Variants in SHROOM3 observed in about 807,000 individuals in gnomAD.
SHROOM3 encodes the protein protein Shroom3.
A neutral mutation model predicts 138.6 loss-of-function variants in SHROOM3; 47 were observed. The ratio of observed to expected loss-of-function variants is 0.34; its 90% CI spans 0.27 to 0.43. The LOEUF (loss-of-function observed/expected upper bound fraction) is 0.43. Ranked by LOEUF, SHROOM3 falls within the 20% of genes least tolerant of loss-of-function variation. The probability of loss-of-function intolerance (pLI) is 1.00; values close to 1 mark genes in which losing one functional copy is unlikely to be tolerated. For missense variants in SHROOM3, 2,491 were observed against 2,596.5 expected (o/e 0.96, Z 0.88); for synonymous variants, 1,062 against 1,063.3 (o/e 1.00, Z 0.02).
chr4:76,743,165 C>T (rs1365574150), intron 5 of SHROOM3, among the ~76,000 whole-genome samples: 1 of 152,090 alleles, frequency 6.6e-6, no homozygotes, highest in African/African-American at 2.4e-5. Flanking sequence ...AAAAGATGGG[C>T]ATGATGACAA....
chr4:76,528,235 C>T (rs1020560022), intron 1 of SHROOM3, among the ~76,000 whole-genome samples: 1 of 152,112 alleles, frequency 6.6e-6, no homozygotes, highest in Non-Finnish European at 1.5e-5. Flanking sequence ...CCAATTTCTA[C>T]TTGGTAATAG....
intron 1 of SHROOM3, among the ~76,000 whole-genome samples, chr4:76,499,960 G>C (rs915431735): frequency 3.3e-5 from 5 of 152,176 alleles, no homozygotes; most frequent in African/African-American, 9.7e-5. Context: ...TCACTCTTTT[G>C]CTCGTTGTGC....
At chr4:76,478,389 C>G (rs1041218828) in intron 1 of SHROOM3, among the ~76,000 whole-genome samples, 44 of 152,370 alleles carry the variant, frequency 2.9e-4, no homozygotes, top group African/African-American at 1.0e-3. Context: ...GAGCCCACTG[C>G]AGCTTCACAA....
intron 1 of SHROOM3, among the ~76,000 whole-genome samples, chr4:76,474,944 T>G (rs1731454603): frequency 6.6e-6 from 1 of 151,856 alleles, no homozygotes; most frequent in Admixed American, 6.6e-5. Flanking sequence ...AAAAAATTTT[T>G]TTTTTGAGAA....
At chr4:76,566,567 T>C (rs542215207) in intron 2 of SHROOM3, among the ~76,000 whole-genome samples, 2 of 152,364 alleles carry the variant, frequency 1.3e-5, no homozygotes, top group South Asian at 4.1e-4. Flanking sequence ...AATCAGATCT[T>C]CGAAGGTCCT....
At chr4:76,712,096 G>C (rs1455282980) in intron 3 of SHROOM3, among the ~76,000 whole-genome samples, 1 of 152,190 alleles carries the variant, frequency 6.6e-6, no homozygotes, top group East Asian at 1.9e-4. Context: ...GGTGTCCACA[G>C]GGCCCGATAG....
Position 76,739,170 on chromosome 4 carries a change from A to C in SHROOM3, c.997A>C (p.Arg333=). The change falls in exon 5 of 11, where the codon AGG becomes CGG. Residue 333 remains arginine, a synonymous_variant. Coordinates refer to ENST00000296043, the MANE Select transcript of SHROOM3 (RefSeq NM_020859.4). ...VNSSALLLQG[R]EARASANGQG... is the part of the protein sequence containing the mutation. Reference sequence around the variant, plus strand: ...CTCTTCAGCCCTGCTGCTTCAAGGTAGGGAGGCCCGAGCCTCAGCAAATGG... The same window carrying C: ...CTCTTCAGCCCTGCTGCTTCAAGGTCGGGAGGCCCGAGCCTCAGCAAATGG... 1 of 1,614,136 alleles carries C rather than the reference A, an allele frequency of 6.2e-7. No individual in the cohort carries two copies. Among genetic ancestry groups the C allele is most frequent in the East Asian group, 2.2e-5 (1 of 44,876 alleles).
chr4:76,555,572 G>T lies in SHROOM3; in HGVS notation c.169-37G>T, dbSNP rs1195999378. On this transcript the variant is annotated intron_variant, in intron 1 of 10. Coordinates refer to ENST00000296043, the MANE Select transcript of SHROOM3 (RefSeq NM_020859.4). ...CGGACAGACCCCAGGCCAGGGGAAA[G>T]CTCACTCGTGGCTGTCGCATCTCTC... 3.1e-6 allele frequency: 5 copies of T among 1,611,448 alleles called. No individual in the cohort carries two copies. In the Admixed American group the frequency reaches 8.3e-5, roughly 27 times the overall value.
At chr4:76,574,267 T>G (rs1011948465) in intron 2 of SHROOM3, among the ~76,000 whole-genome samples, 1 of 152,118 alleles carries the variant, frequency 6.6e-6, no homozygotes, top group African/African-American at 2.4e-5. Context: ...GATGGGAAAA[T>G]TTTGGCAATT....
chr4:76,483,894 A>G (rs1731672782), intron 1 of SHROOM3, among the ~76,000 whole-genome samples: 1 of 152,124 alleles, frequency 6.6e-6, no homozygotes, highest in South Asian at 2.1e-4. Context: ...ACACAGTAAC[A>G]GAAAACCAAA....
chr4:76,704,187 A>G (rs553739666), intron 2 of SHROOM3, among the ~76,000 whole-genome samples: 4 of 152,348 alleles, frequency 2.6e-5, no homozygotes, highest in South Asian at 2.1e-4. Context: ...ATGCATTACA[A>G]TTATTTCCTT....
Position 76,436,211 on chromosome 4 carries a change from C to T in SHROOM3, c.159C>T (p.Ile53=). ...GCCTGGAGCACGGAGAACCATTAATCATCTCTAAGGTATGTTTCTTTTTCC... is the reference window on the plus strand; with the variant it reads ...GCCTGGAGCACGGAGAACCATTAATTATCTCTAAGGTATGTTTCTTTTTCC... ...KGGLEHGEPL[I]ISKVEEGGKA... The change falls in exon 1 of 11, where the codon ATC becomes ATT. Residue 53 remains isoleucine (I), a synonymous_variant. Transcript: ENST00000296043. The T allele has an allele frequency of 6.2e-7, 1 of 1,613,956 alleles. No homozygotes were observed. The highest frequency in any genetic ancestry group is 2.2e-5 in the East Asian group (1 of 44,876).
chr4:76,669,557 T>C (rs1718815674), intron 2 of SHROOM3, among the ~76,000 whole-genome samples: 1 of 150,942 alleles, frequency 6.6e-6, no homozygotes, highest in Non-Finnish European at 1.5e-5. Flanking sequence ...GAGGTTGCAG[T>C]GAGCCGAGAT....
intron 2 of SHROOM3, among the ~76,000 whole-genome samples, chr4:76,569,029 C>A (rs1733783676): frequency 6.6e-6 from 1 of 152,214 alleles, no homozygotes; most frequent in Non-Finnish European, 1.5e-5. Context: ...TGTTATCAAT[C>A]ATCTCATTCA....
At chr4:76,495,474 A>G (rs12500824) in intron 1 of SHROOM3, among the ~76,000 whole-genome samples, 87,622 of 152,096 alleles carry the variant, frequency 0.58, 26,154 homozygotes, top group Non-Finnish European at 0.65. Flanking sequence ...GATCTGATGC[A>G]ATCAGGCTGA....
chr4:76,521,583 A>G (rs1462485798), intron 1 of SHROOM3, among the ~76,000 whole-genome samples: 1 of 152,232 alleles, frequency 6.6e-6, no homozygotes, highest in Non-Finnish European at 1.5e-5. Flanking sequence ...CTTGCACAAT[A>G]GTTTCACATT....
At position 76,551,938 on chromosome 4, in the gene SHROOM3, T is replaced by C. The variant is rs372675802; in HGVS notation, c.169-3671T>C. 2.6e-5 allele frequency among the ~76,000 whole-genome samples: 4 copies of C among 151,132 alleles called. No homozygotes were observed. In the East Asian group the frequency reaches 5.9e-4, roughly 22 times the overall value. On this transcript the variant is annotated intron_variant, in intron 1 of 10. Transcript: ENST00000296043. ...GTGCAGTGGTGCGATCTCGGCTCAC[T>C]GCAAGCTCTGCCTCCTGGGTTCACG...
chr4:76,585,656 G>A (rs35855490), intron 2 of SHROOM3, among the ~76,000 whole-genome samples: 25,370 of 152,120 alleles, frequency 0.17, 2,215 homozygotes, highest in Non-Finnish European at 0.19. Flanking sequence ...TTTAAGATGC[G>A]ATGTGGTGTT....
chr4:76,608,704 A>G (rs1478934352), intron 2 of SHROOM3, among the ~76,000 whole-genome samples: 4 of 137,756 alleles, frequency 2.9e-5, no homozygotes, highest in African/African-American at 1.2e-4. Context: ...AGCACAGCAC[A>G]GCACAGCACA....
Sources: gnomAD v4.1 joint callset for allele counts (sites outside exome capture counted in the v4.1 genomes callset) on GRCh38, gnomAD v4.1.1 for gene constraint, MANE v1.5 for transcripts, NCBI Gene and HGNC (gene_info 2026-07-23, HGNC 2026-07-21) for gene names.